LYG2: variants seen among roughly 807,000 people sequenced by gnomAD.
LYG2 encodes the protein lysozyme g2, also known as lysozyme g-like protein 2.
Under a neutral mutation model 22.4 loss-of-function variants are expected in LYG2, and 25 were observed. The observed-to-expected ratio is 1.12, with a 90% CI of 0.81 to 1.56. The LOEUF (loss-of-function observed/expected upper bound fraction) is 1.56. Among genes scored for constraint, LYG2 ranks in the 40% most tolerant of loss-of-function variants. The pLI, the probability that LYG2 is intolerant of heterozygous loss-of-function variation, is 0.00. For missense variants in LYG2, 266 were observed against 269.5 expected, an observed-to-expected ratio of 0.99 and a Z score of 0.09; for synonymous variants, 88 against 97.0, an observed-to-expected ratio of 0.91 and a Z score of 0.55.
At chr2:99,248,867 C>T (rs2094021560) in intron 3 of LYG2, among the ~76,000 whole-genome samples, 1 of 151,930 alleles carries the variant, frequency 6.6e-6, no homozygotes, top group Non-Finnish European at 1.5e-5. Context: ...ATATCATTTA[C>T]TGTGAAGTTG....
intron 3 of LYG2, among the ~76,000 whole-genome samples, chr2:99,249,604 A>G (rs2094022671): frequency 6.6e-6 from 1 of 151,538 alleles, no homozygotes; most frequent in South Asian, 2.1e-4. Flanking sequence ...TCTACTAAAA[A>G]TACAAAATTA....
At chr2:99,250,373 C>CTTTTTT (rs531807991) in intron 3 of LYG2, among the ~76,000 whole-genome samples, 1 of 130,382 alleles carries the variant, frequency 7.7e-6, no homozygotes, top group East Asian at 2.3e-4. Context: ...TTTTCCAACT[C>CTTTTTT]TTTTTTTTTT....
chr2:99,260,418 T>G (rs1242675504), upstream of LYG2, among the ~76,000 whole-genome samples: 2 of 152,204 alleles, frequency 1.3e-5, no homozygotes, highest in Non-Finnish European at 2.9e-5. Context: ...TCATTATCCA[T>G]GGAAGAATCT....
intron 6 of LYG2, among the ~76,000 whole-genome samples, chr2:99,242,816 C>G (rs62153807): frequency 0.012 from 1,814 of 152,310 alleles, 17 homozygotes; most frequent in Non-Finnish European, 0.02. Flanking sequence ...TTCAATAATT[C>G]ACTCATCTAT....
chr2:99,243,796 G>T, intron 6 of LYG2: 1 of 584,026 alleles, frequency 1.7e-6, no homozygotes, highest in Middle Eastern at 4.8e-4. Flanking sequence ...CCAACATTCT[G>T]CAGAAGAGGA....
chr2:99,257,207 G>T (rs1290790120), upstream of LYG2, among the ~76,000 whole-genome samples: 1 of 152,222 alleles, frequency 6.6e-6, no homozygotes, highest in Non-Finnish European at 1.5e-5. Flanking sequence ...TCAAATGTTT[G>T]TAGGTGCTGT....
At chr2:99,246,902 G>T in intron 3 of LYG2, 82 bp from the exon 4 acceptor site, 1 of 1,381,530 alleles carries the variant, frequency 7.2e-7, no homozygotes, top group Non-Finnish European at 9.9e-7. Flanking sequence ...CTAAACCAAA[G>T]GCAGAAGGCC....
rs1314704408 is a variant in LYG2 at position 99,255,146 on chromosome 2, T to C, written c.-143-9A>G. ...TTGTCCTGTAACATAGGCTTAACAA[T>C]TGGAGAATCCATTAGTCAGTAGATC... On this transcript the variant is annotated splice_polypyrimidine_tract_variant and intron_variant, in intron 1 of 6. Transcript: ENST00000333017. The C allele has an allele frequency of 1.3e-5, 2 of 152,250 alleles. No individual in the cohort carries two copies. The highest frequency in any genetic ancestry group is 1.9e-4 in the East Asian group (1 of 5,200). The allele number at this position is 152,250 out of a possible 1,614,324, so 9.4% of individuals were successfully genotyped here.
the LYG2 span, among the ~76,000 whole-genome samples, chr2:99,261,489 G>C: frequency 9.9e-5 from 15 of 152,168 alleles, no homozygotes; most frequent in African/African-American, 3.6e-4. Flanking sequence ...TGATTTCTAG[G>C]AGAACTGGAA....
chr2:99,250,708 A>G (rs2094025097), intron 3 of LYG2, among the ~76,000 whole-genome samples: 1 of 152,350 alleles, frequency 6.6e-6, no homozygotes, highest in South Asian at 2.1e-4. Flanking sequence ...AAGAGCCCAA[A>G]GGTTTGGCAA....
At position 99,254,286 on chromosome 2, in the gene LYG2, C is replaced by G. The variant is rs767848557; in HGVS notation, c.-25-1G>C. 10 of 1,611,740 alleles carry G rather than the reference C, an allele frequency of 6.2e-6. No individual in the cohort carries two copies. The highest frequency in any genetic ancestry group is 1.1e-5 in the South Asian group (1 of 90,764). ...GGCGGGGAATCTTATCTTCCAGGAC[C>G]TGCTCTGATTTGAAATAGAAACTGG... On this transcript the variant is annotated splice_acceptor_variant, in intron 2 of 6. Coordinates refer to ENST00000333017, the MANE Select transcript of LYG2 (RefSeq NM_175735.4). LOFTEE classifies it low-confidence loss of function (5UTR_SPLICE).
chr2:99,252,317 T>G (rs2094028032), intron 3 of LYG2, among the ~76,000 whole-genome samples: 1 of 144,436 alleles, frequency 6.9e-6, no homozygotes, highest in East Asian at 2.2e-4. Flanking sequence ...CCTCCCAAAG[T>G]GCAGGGATTA....
chr2:99,250,655 T>C (rs1044640545), intron 3 of LYG2, among the ~76,000 whole-genome samples: 6 of 152,206 alleles, frequency 3.9e-5, no homozygotes, highest in East Asian at 1.9e-4. Context: ...ATTACAGGCG[T>C]GAGCCACCAC....
Position 99,244,098 on chromosome 2 carries a change from T to C in LYG2, c.421A>G (p.Ser141Gly). The change falls in exon 6 of 7, where the codon AGC (serine) becomes GGC (glycine). Residue 141 changes from serine to glycine, a missense_variant. By Grantham distance (56) the Ser-to-Gly change is moderately conservative. Coordinates refer to ENST00000333017, the MANE Select transcript of LYG2 (RefSeq NM_175735.4). ...QTYHPVGAWD[S>G]KEHLSQATGI... ...GTAGCCTGTGAAAGGTGCTCTTTGC[T>C]ATCCCAGGCACCGACAGGGTGGTAC... 1 of 1,614,032 alleles carries C rather than the reference T, an allele frequency of 6.2e-7. No homozygotes were observed. Among genetic ancestry groups the C allele is most frequent in the Non-Finnish European group, 8.5e-7 (1 of 1,179,990 alleles).
At chr2:99,254,794 T>C (rs776441423) in intron 2 of LYG2, among the ~76,000 whole-genome samples, 12 of 152,126 alleles carry the variant, frequency 7.9e-5, no homozygotes, top group Non-Finnish European at 1.6e-4. Flanking sequence ...CTCAGCCTCC[T>C]GAGTAGCTGG....
At chr2:99,259,740 A>G (rs887650475), upstream of LYG2, among the ~76,000 whole-genome samples, 3 of 152,122 alleles carry the variant, frequency 2.0e-5, no homozygotes, top group African/African-American at 7.2e-5. Context: ...CTGTAAACTT[A>G]GGTACAGACC....
Position 99,244,043 on chromosome 2 carries a change from A to C in LYG2, c.476T>G (p.Ile159Ser), listed in dbSNP as rs771716852. 6 of 1,614,032 alleles carry C rather than the reference A, an allele frequency of 3.7e-6. No individual in the cohort carries two copies. The highest frequency in any genetic ancestry group is 5.1e-6 in the Non-Finnish European group (6 of 1,179,998). The change falls in exon 6 of 7, where the codon ATC becomes AGC. Residue 159 changes from isoleucine to serine, a missense_variant. By Grantham distance (142) the Ile-to-Ser change is moderately radical. Transcript: ENST00000333017. ...ACTCCACGTGGGGAATTTTTTCTGG[A>C]TTGCCTTAATTCTCTCTGTTAGAAT... The part of the protein sequence containing the change: ...TGILTERIKA[I>S]QKKFPTWSVA...
intron 1 of LYG2, 166 bp from the exon 2 acceptor site, chr2:99,255,303 C>T (rs1263178072): frequency 6.6e-6 from 1 of 152,116 alleles, no homozygotes; most frequent in African/African-American, 2.4e-5. Context: ...ATTAGAGGAG[C>T]TTTATATATG....
chr2:99,242,456 T>C lies in LYG2; in HGVS notation c.547A>G (p.Ile183Val). 6.2e-7 allele frequency: 1 copy of C among 1,612,578 alleles called. No individual in the cohort carries two copies. Among genetic ancestry groups the C allele is most frequent in the Middle Eastern group, 1.7e-4 (1 of 6,054 alleles). Residue 183 changes from isoleucine (I) to valine (V), a missense_variant, in exon 7 of 7, where the codon ATT becomes GTT. Transcript: ENST00000333017. ...KGGLSAFKSG[I>V]EAIATPSDID... Reference sequence around the variant, plus strand: ...TCCGATGGGGTGGCAATCGCTTCAATTCCTGACTTAAAAGCTGAGAGACCA... The same window carrying C: ...TCCGATGGGGTGGCAATCGCTTCAACTCCTGACTTAAAAGCTGAGAGACCA...
Sources: gnomAD v4.1 joint callset for allele counts (sites outside exome capture counted in the v4.1 genomes callset) on GRCh38, gnomAD v4.1.1 for gene constraint, MANE v1.5 for transcripts, NCBI Gene and HGNC (gene_info 2026-07-23, HGNC 2026-07-21) for gene names.